EIF4G3: variants seen among roughly 807,000 people sequenced by gnomAD.
EIF4G3 encodes eIF-4-gamma 3.
Under a neutral mutation model 186.4 loss-of-function variants are expected in EIF4G3, and 34 were observed. The ratio of observed to expected loss-of-function variants is 0.18; its 90% CI spans 0.14 to 0.24. The LOEUF is 0.24. Among genes scored for constraint, EIF4G3 ranks in the 10% least tolerant of loss-of-function variants. The pLI is 1.00. For synonymous variants in EIF4G3, 673 were observed against 679.5 expected (o/e 0.99, Z 0.15); for missense variants, 1,536 against 1,948.5 (o/e 0.79, Z 3.99).
At chr1:20,900,091 G>C in intron 15 of EIF4G3, 148 bp from the exon 16 acceptor site, 1 of 843,620 alleles carries the variant, frequency 1.2e-6, no homozygotes, top group Non-Finnish European at 1.8e-6. Context: ...TTAGAATGCT[G>C]AGTTTAAAAA....
At chr1:21,068,388 A>C (rs1306587032) in intron 3 of EIF4G3, among the ~76,000 whole-genome samples, 3 of 141,208 alleles carry the variant, frequency 2.1e-5, no homozygotes, top group East Asian at 1.9e-4. Context: ...AAAAAAAAAA[A>C]AAAAAAAAAA....
At chr1:20,885,765 G>A (rs2083914142) in intron 19 of EIF4G3, among the ~76,000 whole-genome samples, 1 of 152,100 alleles carries the variant, frequency 6.6e-6, no homozygotes, top group Non-Finnish European at 1.5e-5. Context: ...AAGATTCAAA[G>A]AATTAAATTT....
At chr1:21,097,708 T>C (rs533433606) in intron 2 of EIF4G3, among the ~76,000 whole-genome samples, 2 of 152,254 alleles carry the variant, frequency 1.3e-5, no homozygotes, top group African/African-American at 4.8e-5. Flanking sequence ...GGCAATTAAG[T>C]GGAGAAATAG....
intron 14 of EIF4G3, among the ~76,000 whole-genome samples, chr1:20,940,271 C>G (rs952965562): frequency 2.0e-5 from 3 of 152,126 alleles, no homozygotes; most frequent in Non-Finnish European, 4.4e-5. Flanking sequence ...TCAATGGAAG[C>G]CAGATAGTTG....
At chr1:20,956,869 A>G (rs1203703028) in intron 12 of EIF4G3, among the ~76,000 whole-genome samples, 1 of 151,970 alleles carries the variant, frequency 6.6e-6, no homozygotes, top group Admixed American at 6.6e-5. Context: ...CTCCCAAAGT[A>G]CTGGGATTAC....
intron 14 of EIF4G3, among the ~76,000 whole-genome samples, chr1:20,909,420 ACTG>A (rs1390007799): frequency 6.6e-6 from 1 of 152,228 alleles, no homozygotes; most frequent in Non-Finnish European, 1.5e-5. Flanking sequence ...GACAAACGTT[ACTG>A]CTATCACTGG....
chr1:20,899,182 T>A (rs1012679761), intron 16 of EIF4G3, among the ~76,000 whole-genome samples: 1 of 152,246 alleles, frequency 6.6e-6, no homozygotes, highest in African/African-American at 2.4e-5. Context: ...AGGGTTTATA[T>A]TTGTTTACCA....
rs769463170 is a variant in EIF4G3, at chr1:20,813,230, C to T, written c.4525G>A (p.Asp1509Asn). 3.7e-6 allele frequency: 6 copies of T among 1,612,858 alleles called. No homozygotes were observed. The highest frequency in any genetic ancestry group is 5.1e-6 in the Non-Finnish European group (6 of 1,179,232). The change falls in exon 35 of 37, where the codon GAC becomes AAC. Residue 1509 changes from aspartate (D) to asparagine (N), a missense_variant. Coordinates refer to ENST00000602326, the MANE Select transcript of EIF4G3 (RefSeq NM_001391906.1). The part of the protein sequence containing the change: ...QIFDWVEANL[D>N]EIQMSSPTFL... The stretch of plus-strand genomic sequence containing the variant: ...GTAGGTGAACTCATCTGGATTTCGT[C>T]TAGATTAGCCTGAAGTCAAAAAGAA...
intron 4 of EIF4G3, among the ~76,000 whole-genome samples, chr1:21,003,173 T>TTC (rs199938351): frequency 0.012 from 1,500 of 120,580 alleles, 23 homozygotes; most frequent in African/African-American, 0.038. Context: ...ATTTTTTTCT[T>TTC]TTTTTTTTTT....
chr1:21,051,294 A>G (rs2094198662), intron 3 of EIF4G3, among the ~76,000 whole-genome samples: 1 of 152,244 alleles, frequency 6.6e-6, no homozygotes, highest in African/African-American at 2.4e-5. Context: ...TACAAACTGT[A>G]TGATACCATT....
At chr1:20,913,395 G>A (rs540327761) in intron 14 of EIF4G3, among the ~76,000 whole-genome samples, 1 of 152,212 alleles carries the variant, frequency 6.6e-6, no homozygotes, top group African/African-American at 2.4e-5. Flanking sequence ...TTAATTAGCT[G>A]GGTGTGGTGG....
chr1:20,955,765 G>C (rs974032376), intron 12 of EIF4G3, among the ~76,000 whole-genome samples: 1 of 152,046 alleles, frequency 6.6e-6, no homozygotes, highest in African/African-American at 2.4e-5. Context: ...TGAGGAGAGA[G>C]GGGTAAAAAG....
At chr1:21,019,579 C>A (rs535111602) in intron 4 of EIF4G3, among the ~76,000 whole-genome samples, 1 of 152,158 alleles carries the variant, frequency 6.6e-6, no homozygotes. Context: ...AAGAAAGTCC[C>A]AAACAGAATA....
intron 6 of EIF4G3, 38 bp downstream of exon 6, chr1:21,001,161 C>CTTGCAA (rs2083431456): frequency 2.1e-6 from 1 of 471,076 alleles, no homozygotes; most frequent in Non-Finnish European, 4.4e-6. Flanking sequence ...CCAGAGGCAC[C>CTTGCAA]ACTGCCTGCA....
At chr1:20,957,014 G>A (rs201465874) in intron 12 of EIF4G3, among the ~76,000 whole-genome samples, 9 of 152,222 alleles carry the variant, frequency 5.9e-5, no homozygotes, top group East Asian at 1.9e-4. Flanking sequence ...ACTAGAGGGT[G>A]TATGCTTGGG....
intron 3 of EIF4G3, among the ~76,000 whole-genome samples, chr1:21,065,441 A>G (rs1167361437): frequency 6.6e-6 from 1 of 150,808 alleles, no homozygotes; most frequent in Non-Finnish European, 1.5e-5. Flanking sequence ...GTGCACTTGT[A>G]GTCCTAGCTC....
chr1:20,981,393 C>A, intron 8 of EIF4G3, 166 bp from the exon 9 acceptor site: 2 of 584,256 alleles, frequency 3.4e-6, no homozygotes, highest in Non-Finnish European at 5.8e-6. Context: ...CAAAAATATA[C>A]CACACTAGGG....
chr1:20,816,477 C>T (rs1229307839), intron 34 of EIF4G3, among the ~76,000 whole-genome samples: 9 of 105,900 alleles, frequency 8.5e-5, no homozygotes, highest in South Asian at 3.9e-4. Context: ...CCAGTCGCCC[C>T]GTCCGGGAGG....
chr1:20,828,703 G>A (rs1032056949), intron 31 of EIF4G3, among the ~76,000 whole-genome samples: 6 of 152,134 alleles, frequency 3.9e-5, no homozygotes, highest in African/African-American at 1.4e-4. Flanking sequence ...ACATCCAAAC[G>A]TAGGAATACT....
Sources: gnomAD v4.1 joint callset for allele counts (sites outside exome capture counted in the v4.1 genomes callset) on GRCh38, gnomAD v4.1.1 for gene constraint, MANE v1.5 for transcripts, NCBI Gene and HGNC (gene_info 2026-07-23, HGNC 2026-07-21) for gene names.